The following CACNB2 variants were observed in gnomAD, a reference collection of about 807,000 sequenced individuals.
The protein encoded by CACNB2 is voltage-dependent L-type calcium channel subunit beta-2.
Under a neutral mutation model 73.3 loss-of-function variants are expected in CACNB2, and 42 were observed. The ratio of observed to expected loss-of-function variants is 0.57; its 90% CI spans 0.45 to 0.74. The LOEUF (loss-of-function observed/expected upper bound fraction) is 0.74. CACNB2 is among the 30% of genes least tolerant of loss of function. The pLI, the probability that CACNB2 is intolerant of heterozygous loss-of-function variation, is 0.00. For missense variants in CACNB2, 940 were observed against 853.0 expected (o/e 1.10, Z -1.27); for synonymous variants, 348 against 310.3 (o/e 1.12, Z -1.28).
At chr10:18,395,708 A>AT (rs2043682472) in intron 2 of CACNB2, among the ~76,000 whole-genome samples, 1 of 152,198 alleles carries the variant, frequency 6.6e-6, no homozygotes, top group Non-Finnish European at 1.5e-5. Flanking sequence ...TTACAGGATC[A>AT]TAAAAGTATC....
At chr10:18,340,858 G>A (rs1482674356) in intron 2 of CACNB2, 8 of 1,613,916 alleles carry the variant, frequency 5.0e-6, no homozygotes, top group Non-Finnish European at 5.9e-6. Flanking sequence ...CTTTTAGCTA[G>A]TCCTGAATTC....
At position 18,306,102 on chromosome 10, in the gene CACNB2, A is replaced by T. The variant is rs2039717407; in HGVS notation, c.214-95822A>T. ...AGAGACAGCCAGGGGGCCAAAACAG[A>T]ATTCAGCAAGCAGGCATTTAATTGT... is the stretch of plus-strand genomic sequence containing the variant. On this transcript the variant is annotated intron_variant, in intron 2 of 13. Coordinates refer to ENST00000324631, the MANE Select transcript of CACNB2 (RefSeq NM_201596.3). Among the ~76,000 whole-genome samples, 9 of 152,298 alleles carry T rather than the reference A, an allele frequency of 5.9e-5. No individual in the cohort carries two copies. In the South Asian group the frequency reaches 1.9e-3, roughly 32 times the overall value.
At chr10:18,512,731 C>T (rs958908131) in intron 6 of CACNB2, among the ~76,000 whole-genome samples, 2 of 152,116 alleles carry the variant, frequency 1.3e-5, no homozygotes, top group African/African-American at 2.4e-5. Context: ...CTTTGGGATT[C>T]GGCAAACTCT....
chr10:18,145,929 G>A, intron 1 of CACNB2, among the ~76,000 whole-genome samples: 1 of 152,038 alleles, frequency 6.6e-6, no homozygotes, highest in East Asian at 1.9e-4. Flanking sequence ...TCCTTACTGG[G>A]CAGATAGATC....
intron 1 of CACNB2, among the ~76,000 whole-genome samples, chr10:18,142,276 A>AT (rs1386187050): frequency 1.3e-5 from 2 of 152,156 alleles, no homozygotes; most frequent in Non-Finnish European, 2.9e-5. Context: ...TCAGAAATCT[A>AT]TTTCTTTTGT....
chr10:18,410,315 G>A (rs1220001724), intron 3 of CACNB2, among the ~76,000 whole-genome samples: 2 of 152,162 alleles, frequency 1.3e-5, no homozygotes, highest in African/African-American at 4.8e-5. Context: ...TCAGGAGGAA[G>A]CATTAGTTCA....
intron 2 of CACNB2, among the ~76,000 whole-genome samples, chr10:18,245,425 A>G (rs990849674): frequency 6.6e-6 from 1 of 152,000 alleles, no homozygotes; most frequent in Admixed American, 6.6e-5. Flanking sequence ...GGCCCAAGTG[A>G]TCCTCCTACC....
chr10:18,294,650 T>A (rs1001695723), intron 2 of CACNB2, among the ~76,000 whole-genome samples: 1 of 152,178 alleles, frequency 6.6e-6, no homozygotes, highest in African/African-American at 2.4e-5. Flanking sequence ...TTGAAGAAGG[T>A]AACAGAGTCA....
rs1186675117 is a variant in CACNB2, at chr10:18,499,616, AG to A, written c.456+1140del. ...GCGACAGAGTGAGATTCTGTCTCAA[AG>A]AAAAAAAAAAAAAAAAAAAAAAGAA... On this transcript the variant is annotated intron_variant, in intron 4 of 13. Transcript: ENST00000324631. Among the ~76,000 whole-genome samples the A allele has an allele frequency of 7.4e-3, 423 of 57,434 alleles. 22 individuals are homozygous for A. Among genetic ancestry groups the A allele is most frequent in the Non-Finnish European group, 0.011 (249 of 23,696 alleles). The allele number at this position is 57,434 out of a possible 152,430, so 37.7% of individuals were successfully genotyped here.
chr10:18,375,454 T>C (rs562256703), intron 2 of CACNB2, among the ~76,000 whole-genome samples: 1 of 152,202 alleles, frequency 6.6e-6, no homozygotes, highest in Non-Finnish European at 1.5e-5. Flanking sequence ...GACCTATGCA[T>C]TGGGAAAATG....
rs35685495 is a variant in CACNB2, at chr10:18,177,843, AG to A, written c.213+26870del. Among the ~76,000 whole-genome samples the A allele has an allele frequency of 6.9e-3, 1,045 of 152,346 alleles. 6 individuals are homozygous for A. The highest frequency in any genetic ancestry group is 9.6e-3 in the Non-Finnish European group (653 of 68,030). On this transcript the variant is annotated intron_variant, in intron 2 of 13. Coordinates refer to ENST00000324631, the MANE Select transcript of CACNB2 (RefSeq NM_201596.3). ...GAATTACAGCTATTTGGGAACAAAA[AG>A]GAAGGCAGTTTTTGTGTGACTCAGT...
intron 2 of CACNB2, among the ~76,000 whole-genome samples, chr10:18,262,510 C>T (rs968683113): frequency 8.6e-5 from 13 of 152,046 alleles, no homozygotes; most frequent in South Asian, 4.2e-4. Context: ...AGGTAGCCAG[C>T]CAAGATTTCT....
At chr10:18,397,139 A>C (rs1319222294) in intron 2 of CACNB2, among the ~76,000 whole-genome samples, 1 of 152,202 alleles carries the variant, frequency 6.6e-6, no homozygotes, top group African/African-American at 2.4e-5. Flanking sequence ...TACAGCATCA[A>C]AACAGCAAAG....
chr10:18,429,453 A>G (rs1043665359), intron 3 of CACNB2, among the ~76,000 whole-genome samples: 5 of 152,184 alleles, frequency 3.3e-5, no homozygotes, highest in Admixed American at 1.3e-4. Context: ...GAAAACCCTC[A>G]ACCATTAGCT....
intron 12 of CACNB2, among the ~76,000 whole-genome samples, chr10:18,537,433 T>A (rs1589764390): frequency 6.6e-6 from 1 of 152,172 alleles, no homozygotes; most frequent in Non-Finnish European, 1.5e-5. Context: ...GTTTGGACAA[T>A]GTCAAAATTT....
chr10:18,333,514 T>C (rs1211046188), intron 2 of CACNB2, among the ~76,000 whole-genome samples: 1 of 152,200 alleles, frequency 6.6e-6, no homozygotes, highest in Non-Finnish European at 1.5e-5. Flanking sequence ...TCTGTGACTA[T>C]TTCCATCTTG....
intron 2 of CACNB2, among the ~76,000 whole-genome samples, chr10:18,287,315 C>T (rs565396916): frequency 2.6e-5 from 4 of 151,614 alleles, no homozygotes; most frequent in East Asian, 2.0e-4. Flanking sequence ...TTTGACACAG[C>T]GAGACTCTTT....
chr10:18,459,208 T>G (rs868264666), intron 3 of CACNB2, among the ~76,000 whole-genome samples: 30 of 152,228 alleles, frequency 2.0e-4, no homozygotes, highest in African/African-American at 7.2e-4. Context: ...TGCCTCATTG[T>G]CACAGCTATA....
chr10:18,141,031 T>C, intron 1 of CACNB2, 175 bp downstream of exon 1: 1 of 1,541,642 alleles, frequency 6.5e-7, no homozygotes, highest in Non-Finnish European at 8.7e-7. Flanking sequence ...TTTGCGCCTT[T>C]TCCTGGCTCT....
Sources: allele counts gnomAD v4.1 joint callset (sites outside exome capture counted in the v4.1 genomes callset), GRCh38; gene constraint gnomAD v4.1.1; transcripts MANE v1.5; gene names NCBI Gene and HGNC (gene_info 2026-07-23, HGNC 2026-07-21).